Variants in ZHX2 observed in about 807,000 individuals in gnomAD.
The protein encoded by ZHX2 is zinc fingers and homeoboxes protein 2.
In ZHX2, 6 loss-of-function variants were observed where a neutral mutation model predicts 21.9. The observed-to-expected ratio is 0.27, with a 90% CI of 0.15 to 0.54. The LOEUF is 0.54. Ranked by LOEUF, ZHX2 falls within the 20% of genes least tolerant of loss-of-function variation. ZHX2 has a pLI of 0.95. For missense variants in ZHX2, 908 were observed against 1,090.7 expected (o/e 0.83, Z 2.36); for synonymous variants, 434 against 437.1 (o/e 0.99, Z 0.09).
At chr8:122,966,569 C>A (rs569999923) in intron 3 of ZHX2, among the ~76,000 whole-genome samples, 36 of 152,196 alleles carry the variant, frequency 2.4e-4, no homozygotes, top group Non-Finnish European at 5.0e-4. Flanking sequence ...GATGCTTTTG[C>A]CTCACAGGTC....
At chr8:122,954,174 A>G in intron 3 of ZHX2, 146 bp downstream of exon 3, 1 of 754,814 alleles carries the variant, frequency 1.3e-6, no homozygotes, top group Non-Finnish European at 2.1e-6. Flanking sequence ...AGAATGATGT[A>G]TATTGATCAC....
rs773922756 is a variant in ZHX2 at position 122,951,857 on chromosome 8, A to G, written c.347A>G (p.Asn116Ser). Reference protein sequence around the residue: ...LNPLYVCAECNFTTKKYDSLS... With the variant: ...LNPLYVCAECSFTTKKYDSLS... ...CCCCTCTACGTGTGTGCAGAATGTA[A>G]CTTCACAACCAAAAAGTACGACTCC... is the stretch of plus-strand genomic sequence containing the variant. Residue 116 changes from asparagine to serine, a missense_variant, in exon 3 of 4, where the codon AAC (asparagine) becomes AGC (serine). Transcript: ENST00000314393. 1.2e-6 allele frequency: 2 copies of G among 1,614,126 alleles called. No homozygotes were observed. The highest frequency in any genetic ancestry group is 1.1e-5 in the South Asian group (1 of 91,066).
At chr8:122,875,300 T>C (rs916996645) in intron 2 of ZHX2, among the ~76,000 whole-genome samples, 1 of 151,510 alleles carries the variant, frequency 6.6e-6, no homozygotes, top group Non-Finnish European at 1.5e-5. Flanking sequence ...AAGAATGGTA[T>C]TGTATTTTTA....
At chr8:122,876,313 T>C (rs1819571919) in intron 2 of ZHX2, among the ~76,000 whole-genome samples, 1 of 152,184 alleles carries the variant, frequency 6.6e-6, no homozygotes, top group Non-Finnish European at 1.5e-5. Flanking sequence ...ACTTGATTAA[T>C]ATGCTGCAAT....
At chr8:122,866,707 C>T (rs1476979789) in intron 2 of ZHX2, among the ~76,000 whole-genome samples, 2 of 152,234 alleles carry the variant, frequency 1.3e-5, no homozygotes, top group African/African-American at 2.4e-5. Flanking sequence ...AGAAGTGTGT[C>T]GAGGCATATC....
chr8:122,781,569 C>T (rs968995542), upstream of ZHX2: 3 of 152,640 alleles, frequency 2.0e-5, no homozygotes, highest in African/African-American at 7.2e-5. This position sits in a 1 kb window ranked among gnomAD's most constrained non-coding sequence, Gnocchi z 4.6. Flanking sequence ...CTGAATTTCA[C>T]TTTGTAACTT....
At chr8:122,831,212 G>A (rs372256140) in intron 1 of ZHX2, among the ~76,000 whole-genome samples, 67 of 152,314 alleles carry the variant, frequency 4.4e-4, no homozygotes, top group African/African-American at 1.5e-3. Flanking sequence ...TTTATCGGGC[G>A]GCATGTGAGC....
At chr8:122,856,754 CTGG>C (rs1433795041) in intron 1 of ZHX2, among the ~76,000 whole-genome samples, 2 of 152,258 alleles carry the variant, frequency 1.3e-5, no homozygotes, top group East Asian at 3.9e-4. Context: ...CGCAGGGTGC[CTGG>C]TGGTGCTTCT....
intron 2 of ZHX2, among the ~76,000 whole-genome samples, chr8:122,911,460 G>T (rs1820479134): frequency 6.6e-6 from 1 of 152,140 alleles, no homozygotes; most frequent in African/African-American, 2.4e-5. Flanking sequence ...CTGGGGCCGG[G>T]GCAGGAGGGG....
At chr8:122,849,156 C>G (rs954178199) in intron 1 of ZHX2, among the ~76,000 whole-genome samples, 1 of 152,118 alleles carries the variant, frequency 6.6e-6, no homozygotes, top group African/African-American at 2.4e-5. Context: ...CTCTGGCCTC[C>G]CTGTTGGAGG....
At chr8:122,942,757 G>T (rs1812877525) in intron 2 of ZHX2, among the ~76,000 whole-genome samples, 1 of 152,210 alleles carries the variant, frequency 6.6e-6, no homozygotes, top group African/African-American at 2.4e-5. Flanking sequence ...TGCTCTGGCA[G>T]TTTGATCCAT....
rs148036709 is a variant in ZHX2 at position 122,825,770 on chromosome 8, T to C, written c.-282-37707T>C. On this transcript the variant is annotated intron_variant, in intron 1 of 3. Transcript: ENST00000314393. Reference sequence around the variant, plus strand: ...GGTCTGTAATTTATCCTTCTCCATATGCAGGTAAGTGAAATGGAGGGCTAC... The same window carrying C: ...GGTCTGTAATTTATCCTTCTCCATACGCAGGTAAGTGAAATGGAGGGCTAC... 2.1e-3 allele frequency among the ~76,000 whole-genome samples: 314 copies of C among 152,308 alleles called. 3 individuals are homozygous for C. The highest frequency in any genetic ancestry group is 7.2e-3 in the African/African-American group (301 of 41,566).
chr8:122,958,225 T>C (rs890781917), intron 3 of ZHX2, among the ~76,000 whole-genome samples: 1 of 152,194 alleles, frequency 6.6e-6, no homozygotes, highest in Non-Finnish European at 1.5e-5. Context: ...CAGTCCAGGC[T>C]CACCTCGGCC....
intron 2 of ZHX2, among the ~76,000 whole-genome samples, chr8:122,909,911 G>T (rs1017892937): frequency 2.6e-5 from 4 of 152,144 alleles, no homozygotes; most frequent in Non-Finnish European, 4.4e-5. Context: ...TGCCCCAGGA[G>T]CCCAGGTTGC....
intron 1 of ZHX2, among the ~76,000 whole-genome samples, chr8:122,796,042 G>A (rs1341062427): frequency 6.6e-6 from 1 of 152,040 alleles, no homozygotes; most frequent in Non-Finnish European, 1.5e-5. Flanking sequence ...ATGGTGGCAG[G>A]CGCCTGTAAT....
chr8:122,819,095 A>G (rs1818089797), intron 1 of ZHX2, among the ~76,000 whole-genome samples: 1 of 152,234 alleles, frequency 6.6e-6, no homozygotes, highest in African/African-American at 2.4e-5. Flanking sequence ...AAGGAGCTGA[A>G]GGCCTTCTTG....
At chr8:122,916,456 G>A (rs955081763) in intron 2 of ZHX2, among the ~76,000 whole-genome samples, 4 of 152,224 alleles carry the variant, frequency 2.6e-5, no homozygotes, top group Non-Finnish European at 5.9e-5. Context: ...CTTCAATCCA[G>A]TGGAGAGGGG....
rs747061344 is a variant in ZHX2, at chr8:122,952,624, G to A, written c.1114G>A (p.Gly372Ser). Reference protein sequence around the residue: ...LQTALPCQILGQTSLVLTQVT... With the variant: ...LQTALPCQILSQTSLVLTQVT... ...GACGGCTCTACCGTGCCAGATCCTC[G>A]GCCAGACTAGCCTGGTGCTGACTCA... The change falls in exon 3 of 4, where the codon GGC becomes AGC. Residue 372 changes from glycine to serine, a missense_variant. Transcript: ENST00000314393. The surrounding 1 kb of genome is among the most constrained non-coding windows in gnomAD (Gnocchi z 6.9). 22 of 1,613,920 alleles carry A rather than the reference G, an allele frequency of 1.4e-5. No individual in the cohort carries two copies. Among genetic ancestry groups the A allele is most frequent in the East Asian group, 2.2e-5 (1 of 44,884 alleles).
intron 2 of ZHX2, among the ~76,000 whole-genome samples, chr8:122,883,673 G>T (rs1819768601): frequency 6.6e-6 from 1 of 152,218 alleles, no homozygotes; most frequent in Admixed American, 6.5e-5. Context: ...TGTCACATAT[G>T]GTTTAGAAAT....
Sources: allele counts gnomAD v4.1 joint callset (sites outside exome capture counted in the v4.1 genomes callset), GRCh38; gene constraint gnomAD v4.1.1; non-coding constraint Gnocchi (gnomAD v3.1); transcripts MANE v1.5; gene names NCBI Gene and HGNC (gene_info 2026-07-23, HGNC 2026-07-21).